PRDM16: variants seen among roughly 807,000 people sequenced by gnomAD.
PRDM16 encodes PR/SET domain 16.
A neutral mutation model predicts 110.6 loss-of-function variants in PRDM16; 23 were observed. That is an observed-to-expected ratio of 0.21 (90% CI 0.15 to 0.29). The LOEUF is 0.29. Among genes scored for constraint, PRDM16 ranks in the 10% least tolerant of loss-of-function variants. PRDM16 has a pLI of 1.00. For synonymous variants in PRDM16, 799 were observed against 781.8 expected, an observed-to-expected ratio of 1.02 and a Z score of -0.37; for missense variants, 1,615 against 1,794.3, an observed-to-expected ratio of 0.90 and a Z score of 1.81.
At chr1:3,346,217 T>G (rs914024749) in intron 3 of PRDM16, among the ~76,000 whole-genome samples, 1 of 152,234 alleles carries the variant, frequency 6.6e-6, no homozygotes, top group African/African-American at 2.4e-5. Context: ...CTTCCTTTTT[T>G]GTTTCTCCCG....
At chr1:3,284,533 C>T (rs548288420) in intron 3 of PRDM16, among the ~76,000 whole-genome samples, 3 of 152,274 alleles carry the variant, frequency 2.0e-5, no homozygotes, top group Admixed American at 6.5e-5. Flanking sequence ...GCACTGTCGC[C>T]GTGAAGCCTT....
At chr1:3,224,666 G>A (rs912275102) in intron 2 of PRDM16, among the ~76,000 whole-genome samples, 3 of 152,238 alleles carry the variant, frequency 2.0e-5, no homozygotes, top group Non-Finnish European at 4.4e-5. Context: ...CCTGCATTAG[G>A]CGGCCCCAAG....
chr1:3,072,073 C>A (rs1012903961), intron 1 of PRDM16, among the ~76,000 whole-genome samples: 1 of 152,146 alleles, frequency 6.6e-6, no homozygotes, highest in Non-Finnish European at 1.5e-5. Flanking sequence ...AAACCTACAG[C>A]CTCCTCCACC....
chr1:3,261,967 G>T (rs1031979509), intron 3 of PRDM16, among the ~76,000 whole-genome samples: 4 of 152,220 alleles, frequency 2.6e-5, no homozygotes, highest in Non-Finnish European at 5.9e-5. Context: ...CCTTTTCTAA[G>T]CCACCTGCTC....
intron 1 of PRDM16, among the ~76,000 whole-genome samples, chr1:3,116,082 G>A (rs1436290168): frequency 6.6e-6 from 1 of 152,186 alleles, no homozygotes; most frequent in Non-Finnish European, 1.5e-5. Flanking sequence ...CCCCTCACAC[G>A]GCAGGCGTCA....
intron 1 of PRDM16, among the ~76,000 whole-genome samples, chr1:3,079,610 G>A (rs1281247689): frequency 4.6e-5 from 7 of 152,196 alleles, no homozygotes; most frequent in Admixed American, 3.3e-4. Context: ...CAAATCACCC[G>A]CAGGCTCTTA....
intron 2 of PRDM16, among the ~76,000 whole-genome samples, chr1:3,198,616 G>A (rs1216208802): frequency 3.3e-5 from 5 of 152,318 alleles, no homozygotes; most frequent in Admixed American, 3.3e-4. Context: ...CTCCCCTGCT[G>A]CATGAAGAAC....
At chr1:3,422,281 G>A (rs1483517229) in intron 12 of PRDM16, among the ~76,000 whole-genome samples, 1 of 139,454 alleles carries the variant, frequency 7.2e-6, no homozygotes, top group Admixed American at 7.1e-5. Context: ...ACAGACAGAT[G>A]GACAGACAGG....
intron 1 of PRDM16, among the ~76,000 whole-genome samples, chr1:3,114,173 A>G (rs142876230): frequency 3.9e-4 from 34 of 87,886 alleles, no homozygotes; most frequent in Non-Finnish European, 5.6e-4. Context: ...ACGCACACAC[A>G]CGCACACACA....
chr1:3,202,528 C>T (rs1638655269), intron 2 of PRDM16, among the ~76,000 whole-genome samples: 1 of 152,152 alleles, frequency 6.6e-6, no homozygotes, highest in Non-Finnish European at 1.5e-5. Context: ...CTAAGTAGGC[C>T]TTTTGCATTT....
intron 3 of PRDM16, among the ~76,000 whole-genome samples, chr1:3,315,919 C>T (rs560746293): frequency 2.0e-5 from 3 of 151,810 alleles, no homozygotes; most frequent in Non-Finnish European, 4.4e-5. Context: ...GTGGCGGTGG[C>T]CCTGCCTGCG....
chr1:3,196,858 T>C (rs1023114146), intron 2 of PRDM16, among the ~76,000 whole-genome samples: 3 of 152,094 alleles, frequency 2.0e-5, no homozygotes, highest in Admixed American at 6.5e-5. Context: ...GGCTGACGGG[T>C]AGCAGCAGAG....
chr1:3,099,278 G>A (rs55784774), intron 1 of PRDM16, among the ~76,000 whole-genome samples: 8,279 of 152,314 alleles, frequency 0.054, 310 homozygotes, highest in East Asian at 0.076. Flanking sequence ...GAGGGACCCC[G>A]AATGAGTCCT....
chr1:3,314,996 G>A (rs1046016017), intron 3 of PRDM16, among the ~76,000 whole-genome samples: 3 of 152,168 alleles, frequency 2.0e-5, no homozygotes, highest in African/African-American at 7.2e-5. Context: ...GATCGACTGA[G>A]AGCATGGCAT....
intron 3 of PRDM16, among the ~76,000 whole-genome samples, chr1:3,251,110 G>C (rs932314667): frequency 3.3e-5 from 5 of 152,244 alleles, no homozygotes; most frequent in Admixed American, 3.3e-4. Flanking sequence ...TTAACCCCAA[G>C]TTAAACAGAG....
intron 3 of PRDM16, among the ~76,000 whole-genome samples, chr1:3,277,079 G>C (rs759231127): frequency 1.3e-5 from 2 of 152,138 alleles, no homozygotes; most frequent in Non-Finnish European, 2.9e-5. Flanking sequence ...CCGTTGGCAT[G>C]ACAGGACTTG....
intron 3 of PRDM16, among the ~76,000 whole-genome samples, chr1:3,276,830 G>A (rs1164721631): frequency 4.0e-5 from 6 of 150,908 alleles, no homozygotes; most frequent in African/African-American, 1.5e-4. Flanking sequence ...GGCCGCCTCG[G>A]CCTGGACCCT....
chr1:3,305,904 C>T (rs1433685447), intron 3 of PRDM16, among the ~76,000 whole-genome samples: 3 of 152,222 alleles, frequency 2.0e-5, no homozygotes, highest in African/African-American at 7.2e-5. Context: ...AACACTTTGC[C>T]ACTAGCCACC....
chr1:3,316,212 G>A (rs1641597152), intron 3 of PRDM16, among the ~76,000 whole-genome samples: 1 of 140,762 alleles, frequency 7.1e-6, no homozygotes, highest in South Asian at 2.3e-4. Context: ...GCGGAGCTCT[G>A]GAAAGTCTTC....
Sources: allele counts gnomAD v4.1 joint callset (sites outside exome capture counted in the v4.1 genomes callset), GRCh38; gene constraint gnomAD v4.1.1; transcripts MANE v1.5; gene names NCBI Gene and HGNC (gene_info 2026-07-23, HGNC 2026-07-21).